DGKB: variants seen among roughly 807,000 people sequenced by gnomAD.
DGKB encodes diacylglycerol kinase beta, also known as 90 kDa diacylglycerol kinase.
In DGKB, 67 loss-of-function variants were observed where a neutral mutation model predicts 114.3. The ratio of observed to expected loss-of-function variants is 0.59; its 90% CI spans 0.48 to 0.72. DGKB has a LOEUF of 0.72. Among genes scored for constraint, DGKB ranks in the 30% least tolerant of loss-of-function variants. The pLI, the probability that DGKB is intolerant of heterozygous loss-of-function variation, is 0.00. For missense variants in DGKB, 907 were observed against 975.2 expected (o/e 0.93, Z 0.93); for synonymous variants, 398 against 323.1 (o/e 1.23, Z -2.49).
At position 14,322,994 on chromosome 7, in the gene DGKB, G is replaced by A. The variant is rs562062143; in HGVS notation, c.2122+15521C>T. Among the ~76,000 whole-genome samples the A allele has an allele frequency of 1.6e-3, 245 of 152,120 alleles. 1 individual carries two copies. The highest frequency in any genetic ancestry group is 4.8e-3 in the African/African-American group (198 of 41,510). On this transcript the variant is annotated intron_variant, in intron 23 of 25. Transcript: ENST00000402815. ...AATCAGTACAATCACTTTTAGTAGCGTCTACTATAGCTGAACATGCACATA... is the reference window on the plus strand; with the variant it reads ...AATCAGTACAATCACTTTTAGTAGCATCTACTATAGCTGAACATGCACATA...
At chr7:14,432,423 C>T (rs550353229) in intron 21 of DGKB, among the ~76,000 whole-genome samples, 4 of 152,278 alleles carry the variant, frequency 2.6e-5, no homozygotes, top group East Asian at 1.9e-4. Flanking sequence ...CACTTTTCCA[C>T]ATGTCTTTAT....
At chr7:14,854,709 A>G (rs936605668) in intron 1 of DGKB, among the ~76,000 whole-genome samples, 1 of 152,158 alleles carries the variant, frequency 6.6e-6, no homozygotes, top group Non-Finnish European at 1.5e-5. Context: ...AAGTACTGGT[A>G]TGAGGCCTGT....
At chr7:14,968,862 G>A (rs1320085122) in intron 1 of DGKB, among the ~76,000 whole-genome samples, 2 of 152,124 alleles carry the variant, frequency 1.3e-5, no homozygotes. Flanking sequence ...TTTGCATCAT[G>A]CAAATAATGT....
intron 20 of DGKB, among the ~76,000 whole-genome samples, chr7:14,530,186 A>C (rs1791332806): frequency 6.6e-6 from 1 of 151,660 alleles, no homozygotes; most frequent in Non-Finnish European, 1.5e-5. Context: ...AAAATTATTT[A>C]CAATTGCTTT....
chr7:14,718,639 A>G lies in DGKB; in HGVS notation c.369T>C (p.Ser123=), dbSNP rs1273828566. 6.2e-7 allele frequency: 1 copy of G among 1,612,830 alleles called. No individual in the cohort carries two copies. The highest frequency in any genetic ancestry group is 1.1e-5 in the South Asian group (1 of 90,984). Residue 123 remains serine, a synonymous_variant, in exon 6 of 26, where the codon TCT becomes TCC. Coordinates refer to ENST00000402815, the MANE Select transcript of DGKB (RefSeq NM_001350709.2). ...CTTCTGGGGAACACGTATTTGCAGG[A>G]GAAGTAGTCCGGGGAGGGGTGATGG... The part of the protein sequence containing the change: ...KGAITPPRTT[S]PANTCSPEVI...
chr7:14,609,680 C>A (rs890892530), intron 16 of DGKB, among the ~76,000 whole-genome samples: 28 of 151,666 alleles, frequency 1.8e-4, no homozygotes, highest in African/African-American at 6.5e-4. Context: ...GGGAAAAAAA[C>A]AACAACAAAT....
At chr7:14,743,339 A>T (rs1356217661) in intron 4 of DGKB, among the ~76,000 whole-genome samples, 1 of 152,192 alleles carries the variant, frequency 6.6e-6, no homozygotes, top group Admixed American at 6.5e-5. Flanking sequence ...ACTGTTTGGA[A>T]AGCTAAGTCC....
intron 4 of DGKB, among the ~76,000 whole-genome samples, chr7:14,740,104 G>A (rs1275002502): frequency 2.6e-5 from 4 of 152,232 alleles, no homozygotes; most frequent in Non-Finnish European, 4.4e-5. Flanking sequence ...AGCGTTCCCC[G>A]CCATGCATCC....
intron 21 of DGKB, among the ~76,000 whole-genome samples, chr7:14,409,884 T>A (rs1316522153): frequency 6.6e-6 from 1 of 152,120 alleles, no homozygotes; most frequent in East Asian, 1.9e-4. Flanking sequence ...AACACTATCT[T>A]TTCTCTAGCT....
chr7:14,741,528 C>T (rs1234027113), intron 4 of DGKB, among the ~76,000 whole-genome samples: 1 of 152,076 alleles, frequency 6.6e-6, no homozygotes, highest in Non-Finnish European at 1.5e-5. Flanking sequence ...CGCTATTTTA[C>T]GGTGGCAGCC....
intron 1 of DGKB, among the ~76,000 whole-genome samples, chr7:14,936,795 A>G (rs1023673499): frequency 4.6e-5 from 7 of 152,086 alleles, no homozygotes; most frequent in Admixed American, 3.3e-4. Flanking sequence ...CCAGGCCAAT[A>G]AAACTTGCCT....
In DGKB at chr7:14,629,515, T is replaced by C. The variant is rs975487635; in HGVS notation, c.1167+721A>G. 3.9e-5 allele frequency among the ~76,000 whole-genome samples: 6 copies of C among 152,180 alleles called. No homozygotes were observed. The East Asian group carries it at 1.2e-3, about 29-fold the overall frequency. On this transcript the variant is annotated intron_variant, in intron 14 of 25. Transcript: ENST00000402815. ...TATGTAGCATTCATATAAGCAATAC[T>C]TTCTAAAATAAGCAGATTTTAATTA...
At chr7:14,360,461 T>TATATAAAGA (rs996956048) in intron 21 of DGKB, among the ~76,000 whole-genome samples, 2 of 151,358 alleles carry the variant, frequency 1.3e-5, no homozygotes, top group African/African-American at 4.9e-5. Flanking sequence ...TATATATATA[T>TATATAAAGA]ATATAAAGAA....
chr7:14,961,989 T>C (rs1392914757), intron 1 of DGKB, among the ~76,000 whole-genome samples: 1 of 152,106 alleles, frequency 6.6e-6, no homozygotes, highest in African/African-American at 2.4e-5. Context: ...TAAAAACATG[T>C]CCTCTCAGCC....
In DGKB at chr7:14,860,761, A is replaced by G. The variant is rs562723937; in HGVS notation, c.-187-19311T>C. Reference sequence around the variant, plus strand: ...ACCTCCTTGGCTTGAGTCTTTCCCTAGGGCATTAAGTTGTTCATGTATATT... The same window carrying G: ...ACCTCCTTGGCTTGAGTCTTTCCCTGGGGCATTAAGTTGTTCATGTATATT... On this transcript the variant is annotated intron_variant, in intron 1 of 25. Coordinates refer to ENST00000402815, the MANE Select transcript of DGKB (RefSeq NM_001350709.2). Among the ~76,000 whole-genome samples the G allele has an allele frequency of 2.1e-3, 323 of 151,974 alleles. 2 individuals carry two copies. Among genetic ancestry groups the G allele is most frequent in the African/African-American group, 7.4e-3 (309 of 41,522 alleles).
At chr7:14,465,525 G>C (rs1833705350) in intron 21 of DGKB, among the ~76,000 whole-genome samples, 1 of 152,138 alleles carries the variant, frequency 6.6e-6, no homozygotes, top group South Asian at 2.1e-4. Context: ...GCTAGTATTT[G>C]GGGGAACACA....
At chr7:14,407,144 T>G (rs895618263) in intron 21 of DGKB, among the ~76,000 whole-genome samples, 5 of 152,082 alleles carry the variant, frequency 3.3e-5, no homozygotes, top group African/African-American at 7.2e-5. Flanking sequence ...AGTGCATGAA[T>G]GTGACAGGGA....
At chr7:14,481,517 A>G (rs2128912622) in intron 20 of DGKB, among the ~76,000 whole-genome samples, 1 of 151,982 alleles carries the variant, frequency 6.6e-6, no homozygotes, top group South Asian at 2.1e-4. Flanking sequence ...TAGTTTCTAA[A>G]ATTTGTCGAG....
chr7:14,686,688 C>G (rs538371155), intron 9 of DGKB, among the ~76,000 whole-genome samples: 5 of 152,036 alleles, frequency 3.3e-5, no homozygotes, highest in African/African-American at 1.2e-4. Flanking sequence ...ATTTGTAATA[C>G]TAGAGAAAAT....
Sources: allele counts gnomAD v4.1 joint callset (sites outside exome capture counted in the v4.1 genomes callset), GRCh38; gene constraint gnomAD v4.1.1; transcripts MANE v1.5; gene names NCBI Gene and HGNC (gene_info 2026-07-23, HGNC 2026-07-21).